The following C12orf56 variants were observed in gnomAD, a reference collection of about 807,000 sequenced individuals.
C12orf56 encodes the protein uncharacterized protein C12orf56.
Under a neutral mutation model 69.9 loss-of-function variants are expected in C12orf56, and 71 were observed. The ratio of observed to expected loss-of-function variants is 1.02; its 90% CI spans 0.84 to 1.24. C12orf56 has a LOEUF of 1.24. C12orf56 is among the 50% of genes most tolerant of loss of function. The pLI is 0.00. For missense variants in C12orf56, 732 were observed against 738.5 expected (o/e 0.99, Z 0.10); for synonymous variants, 276 against 274.1 (o/e 1.01, Z -0.07).
intron 8 of C12orf56, among the ~76,000 whole-genome samples, chr12:64,283,018 TG>T (rs113721984): frequency 0.019 from 2,839 of 152,032 alleles, 89 homozygotes; most frequent in African/African-American, 0.064. Flanking sequence ...GGTGCACGCC[TG>T]TAATCCCAGC....
At chr12:64,359,723 A>T (rs1211010175) in intron 1 of C12orf56, among the ~76,000 whole-genome samples, 4 of 151,966 alleles carry the variant, frequency 2.6e-5, no homozygotes, top group East Asian at 1.9e-4. Flanking sequence ...TATTATTATT[A>T]TTTTTTTAAA....
Position 64,275,202 on chromosome 12 carries a change from A to T in C12orf56, c.1509+96T>A. On this transcript the variant is annotated intron_variant, in intron 10 of 12. Coordinates refer to ENST00000543942, the MANE Select transcript of C12orf56 (RefSeq NM_001170633.2). ...TTTTTGATATATTATTAATCATATAACATAATCACATAATATACATATATC... is the reference window on the plus strand; with the variant it reads ...TTTTTGATATATTATTAATCATATATCATAATCACATAATATACATATATC... The T allele has an allele frequency of 8.3e-6, 6 of 720,334 alleles. No individual in the cohort carries two copies. The South Asian group carries it at 1.3e-4, about 16-fold the overall frequency. 44.6% of individuals were successfully genotyped at this position (720,334 alleles called of 1,614,324 possible).
At chr12:64,300,563 T>G (rs953093247) in intron 6 of C12orf56, among the ~76,000 whole-genome samples, 1 of 152,168 alleles carries the variant, frequency 6.6e-6, no homozygotes, top group Non-Finnish European at 1.5e-5. Context: ...CTTTGAGCAC[T>G]GTCCTAAGTC....
chr12:64,363,533 C>G (rs953900244), intron 1 of C12orf56, among the ~76,000 whole-genome samples: 4 of 152,042 alleles, frequency 2.6e-5, no homozygotes, highest in Non-Finnish European at 4.4e-5. Flanking sequence ...GGCCCCTTTG[C>G]GAGGAGGAGG....
intron 6 of C12orf56, among the ~76,000 whole-genome samples, chr12:64,300,688 T>G (rs1034038612): frequency 2.0e-5 from 3 of 152,188 alleles, no homozygotes; most frequent in Non-Finnish European, 4.4e-5. Context: ...GTGCCAAATG[T>G]TTGTGCAGAC....
At chr12:64,338,511 A>G (rs1242638924) in intron 2 of C12orf56, 4 of 1,119,714 alleles carry the variant, frequency 3.6e-6, no homozygotes, top group Non-Finnish European at 5.5e-6. Flanking sequence ...AGCAACTGGT[A>G]CAAACCTGTG....
intron 11 of C12orf56, among the ~76,000 whole-genome samples, chr12:64,271,872 T>C (rs74097973): frequency 0.019 from 2,855 of 152,306 alleles, 93 homozygotes; most frequent in African/African-American, 0.065. Context: ...TGCAGGTGCA[T>C]AGCAATGATC....
chr12:64,364,189 T>A (rs896175802), intron 1 of C12orf56, among the ~76,000 whole-genome samples: 5 of 152,056 alleles, frequency 3.3e-5, no homozygotes, highest in Non-Finnish European at 5.9e-5. Flanking sequence ...GGCATGTGCC[T>A]GTAGTCCCAG....
intron 9 of C12orf56, among the ~76,000 whole-genome samples, chr12:64,277,353 A>G (rs2038064897): frequency 1.3e-5 from 2 of 152,118 alleles, no homozygotes; most frequent in African/African-American, 4.8e-5. Context: ...CATATACATC[A>G]TGTTTTGTAC....
intron 8 of C12orf56, among the ~76,000 whole-genome samples, chr12:64,278,756 C>T (rs577046619): frequency 8.2e-4 from 124 of 151,482 alleles, no homozygotes; most frequent in African/African-American, 2.9e-3. Context: ...AATTCCACCC[C>T]GCCCCTAAGC....
At chr12:64,313,151 A>T (rs2038642195) in intron 4 of C12orf56, among the ~76,000 whole-genome samples, 1 of 151,072 alleles carries the variant, frequency 6.6e-6, no homozygotes, top group Non-Finnish European at 1.5e-5. Context: ...AGTCCCAGCT[A>T]CTCGGGAGGC....
intron 1 of C12orf56, among the ~76,000 whole-genome samples, chr12:64,366,882 TATTATATAACATACAGTTTATATATTA>T (rs1160506428): frequency 7.8e-6 from 1 of 128,932 alleles, no homozygotes; most frequent in African/African-American, 3.0e-5. Context: ...AGTTTATATA[TATTATATAACATACAGTTTATATATTA>T]TATATAACAC....
In C12orf56 at chr12:64,316,929, C is replaced by T. The variant is rs2038698079; in HGVS notation, c.894+1646G>A. On this transcript the variant is annotated intron_variant, in intron 4 of 12. Coordinates refer to ENST00000543942, the MANE Select transcript of C12orf56 (RefSeq NM_001170633.2). ...CGCCAATCTGAATGCTCCAACCATGCATCTGCTGCATAATTTAAAAGTATT... is the reference window on the plus strand; with the variant it reads ...CGCCAATCTGAATGCTCCAACCATGTATCTGCTGCATAATTTAAAAGTATT... Among the ~76,000 whole-genome samples, 3 of 152,210 alleles carry T rather than the reference C, an allele frequency of 2.0e-5. No homozygotes were observed. In the South Asian group the frequency reaches 6.2e-4, roughly 31 times the overall value.
intron 1 of C12orf56, among the ~76,000 whole-genome samples, chr12:64,353,408 C>T (rs186411798): frequency 5.3e-5 from 8 of 152,172 alleles, no homozygotes; most frequent in East Asian, 3.9e-4. Flanking sequence ...TCGCCCACCT[C>T]GGCCTCCCAC....
rs1306743196 is a variant in C12orf56, at chr12:64,266,985, A to T, written c.*198T>A. On this transcript the variant is annotated 3_prime_UTR_variant, in exon 13 of 13. Coordinates refer to ENST00000543942, the MANE Select transcript of C12orf56 (RefSeq NM_001170633.2). The stretch of plus-strand genomic sequence containing the variant: ...ATGGCATAAAGATCTTTGCACACTT[A>T]TAATAAATCAAATTTATTTTTTAAA... 1.2e-5 allele frequency: 6 copies of T among 509,706 alleles called. No individual in the cohort carries two copies. The highest frequency in any genetic ancestry group is 4.0e-5 in the African/African-American group (2 of 50,106). The allele number at this position is 509,706 out of a possible 1,614,324, so 31.6% of individuals were successfully genotyped here.
chr12:64,375,747 T>A (rs570775160), intron 1 of C12orf56, among the ~76,000 whole-genome samples: 1 of 144,060 alleles, frequency 6.9e-6, no homozygotes, highest in South Asian at 2.3e-4. Flanking sequence ...GATAAATGCA[T>A]GTCTCATGAG....
intron 9 of C12orf56, among the ~76,000 whole-genome samples, chr12:64,277,304 C>G (rs1237501241): frequency 6.6e-6 from 1 of 151,948 alleles, no homozygotes; most frequent in Non-Finnish European, 1.5e-5. Context: ...ATCTCTAAGA[C>G]AGTGATTTTT....
chr12:64,337,432 G>A (rs1328438227), intron 2 of C12orf56, among the ~76,000 whole-genome samples: 1 of 152,164 alleles, frequency 6.6e-6, no homozygotes, highest in Non-Finnish European at 1.5e-5. Flanking sequence ...TAAATCAGGA[G>A]CTCCCCATGA....
intron 5 of C12orf56, 31 bp from the exon 6 acceptor site, chr12:64,303,810 A>C (rs1490661569): frequency 6.4e-7 from 1 of 1,550,726 alleles, no homozygotes; most frequent in African/African-American, 1.4e-5. Context: ...TTTCCACTTA[A>C]AAAAATGGTA....
Sources: allele counts gnomAD v4.1 joint callset (sites outside exome capture counted in the v4.1 genomes callset), GRCh38; gene constraint gnomAD v4.1.1; transcripts MANE v1.5; gene names NCBI Gene and HGNC (gene_info 2026-07-23, HGNC 2026-07-21).